The following ACLY variants were observed in gnomAD, a reference collection of about 807,000 sequenced individuals.
ACLY encodes ATP-citrate synthase.
A neutral mutation model predicts 133.0 loss-of-function variants in ACLY; 41 were observed. The ratio of observed to expected loss-of-function variants is 0.31; its 90% CI spans 0.24 to 0.40. The LOEUF (loss-of-function observed/expected upper bound fraction) is 0.40, where lower values mean the gene tolerates loss of function less well. Ranked by LOEUF, ACLY falls within the 10% of genes least tolerant of loss-of-function variation. The probability of loss-of-function intolerance (pLI) is 1.00; values close to 1 mark genes in which losing one functional copy is unlikely to be tolerated. For synonymous variants in ACLY, 495 were observed against 549.3 expected (o/e 0.90, Z 1.38); for missense variants, 1,046 against 1,453.8 (o/e 0.72, Z 4.56).
intron 11 of ACLY, among the ~76,000 whole-genome samples, chr17:41,899,603 C>T (rs782460711): frequency 6.6e-6 from 1 of 152,150 alleles, no homozygotes; most frequent in Non-Finnish European, 1.5e-5. Flanking sequence ...ATGCCACGCT[C>T]CCCTCCTCCT....
At chr17:41,871,178 C>T (rs1567881893) in intron 25 of ACLY, among the ~76,000 whole-genome samples, 1 of 152,114 alleles carries the variant, frequency 6.6e-6, no homozygotes, top group South Asian at 2.1e-4. Flanking sequence ...TGCAAGCGAA[C>T]GACAGAAAAA....
At chr17:41,916,672 G>A (rs117976925) in intron 1 of ACLY, among the ~76,000 whole-genome samples, 1,757 of 147,686 alleles carry the variant, frequency 0.012, 11 homozygotes, top group Middle Eastern at 0.031. Flanking sequence ...CACCACGCCC[G>A]GCCTTCAGTG....
chr17:41,880,741 C>T (rs1010988177), intron 20 of ACLY, among the ~76,000 whole-genome samples: 1 of 151,932 alleles, frequency 6.6e-6, no homozygotes, highest in Non-Finnish European at 1.5e-5. Flanking sequence ...TGGTGGGCGT[C>T]TGTAATCCCA....
intron 23 of ACLY, among the ~76,000 whole-genome samples, chr17:41,873,147 AAC>A (rs1212616386): frequency 2.0e-5 from 3 of 151,966 alleles, no homozygotes; most frequent in Admixed American, 6.5e-5. Flanking sequence ...TGATGGGAGA[AAC>A]AAATTTGCAA....
intron 22 of ACLY, among the ~76,000 whole-genome samples, chr17:41,875,479 C>G (rs1475839304): frequency 5.3e-5 from 8 of 151,998 alleles, no homozygotes; most frequent in African/African-American, 1.9e-4. Context: ...CCACGGTCTC[C>G]CTCTGATGCC....
At chr17:41,892,753 T>A (rs782523558) in intron 15 of ACLY, among the ~76,000 whole-genome samples, 1 of 152,006 alleles carries the variant, frequency 6.6e-6, no homozygotes, top group African/African-American at 2.4e-5. Context: ...TAGAGTTCAC[T>A]GCAGCCTCAA....
At chr17:41,919,134 G>C (rs1007309893), upstream of ACLY, 4 of 1,121,360 alleles carry the variant, frequency 3.6e-6, no homozygotes, top group Non-Finnish European at 4.5e-6. Context: ...CCCGGGGCCT[G>C]CTGGGACTTG....
rs1555632756 is a variant in ACLY at position 41,906,693 on chromosome 17, C to T, written c.748-47G>A. The T allele has an allele frequency of 2.6e-6, 4 of 1,541,746 alleles. No individual in the cohort carries two copies. The South Asian group carries it at 3.4e-5, about 13-fold the overall frequency. On this transcript the variant is annotated intron_variant, in intron 7 of 28. Coordinates refer to ENST00000352035, the MANE Select transcript of ACLY (RefSeq NM_001096.3). Reference sequence around the variant, plus strand: ...GTAGGCCCTTGGGGTACCCCCTTTACCAGGTCCCAGATCCTAGGACCCCTC... The same window carrying T: ...GTAGGCCCTTGGGGTACCCCCTTTATCAGGTCCCAGATCCTAGGACCCCTC...
At chr17:41,919,526 A>G (rs1555635167), upstream of ACLY, among the ~76,000 whole-genome samples, 1 of 152,234 alleles carries the variant, frequency 6.6e-6, no homozygotes, top group Non-Finnish European at 1.5e-5. Flanking sequence ...CCGATGAGGC[A>G]AGGCTGAGCC....
At position 41,901,751 on chromosome 17, in the gene ACLY, A is replaced by G; in HGVS notation, c.1128T>C (p.Phe376=). 1 of 1,608,934 alleles carries G rather than the reference A, an allele frequency of 6.2e-7. No individual in the cohort carries two copies. Among genetic ancestry groups the G allele is most frequent in the East Asian group, 2.3e-5 (1 of 44,224 alleles). ...GPLKEHEVTI[F]VRRGGPNYQE... is the part of the protein sequence containing the mutation. ...GATAGTTGGGGCCACCTCTTCGGACAAAGATTGTGACTTCGTGCTCCTTCA... is the reference window on the plus strand; with the variant it reads ...GATAGTTGGGGCCACCTCTTCGGACGAAGATTGTGACTTCGTGCTCCTTCA... Residue 376 remains phenylalanine, a synonymous_variant, in exon 11 of 29, where the codon TTT becomes TTC. Coordinates refer to ENST00000352035, the MANE Select transcript of ACLY (RefSeq NM_001096.3).
chr17:41,869,629 G>A, intron 25 of ACLY, 42 bp from the exon 26 acceptor site: 10 of 1,511,828 alleles, frequency 6.6e-6, no homozygotes, highest in Non-Finnish European at 7.4e-6. Flanking sequence ...CTCACACACT[G>A]CTGGGATGTG....
intron 1 of ACLY, among the ~76,000 whole-genome samples, chr17:41,930,207 C>G (rs2050301567): frequency 6.6e-6 from 1 of 152,232 alleles, no homozygotes; most frequent in African/African-American, 2.4e-5. Context: ...ATTTATTTGG[C>G]AGGTGGAACA....
chr17:41,894,860 G>A lies in ACLY; in HGVS notation c.1460-1686C>T, dbSNP rs542978281. 5.9e-5 allele frequency among the ~76,000 whole-genome samples: 9 copies of A among 152,226 alleles called. No homozygotes were observed. The South Asian group carries it at 1.9e-3, about 32-fold the overall frequency. On this transcript the variant is annotated intron_variant, in intron 14 of 28. Coordinates refer to ENST00000352035, the MANE Select transcript of ACLY (RefSeq NM_001096.3). ...GGAAGAATGATGCATCTAGCCCAGT[G>A]GCATCTCGTATTAATTAACCTACTG...
At chr17:41,914,019 G>C in intron 1 of ACLY, 123 bp from the exon 2 acceptor site, 1 of 962,314 alleles carries the variant, frequency 1.0e-6, no homozygotes, top group Non-Finnish European at 1.5e-6. Context: ...CTTTTCTCAA[G>C]AGGAAGGAAA....
intron 21 of ACLY, 43 bp downstream of exon 21, chr17:41,878,754 G>A (rs886119069): frequency 6.2e-7 from 1 of 1,611,342 alleles, no homozygotes; most frequent in Non-Finnish European, 8.5e-7. Context: ...GGAGGGATTT[G>A]GAAAGGAGGG....
chr17:41,892,531 A>G, intron 15 of ACLY, 84 bp from the exon 16 acceptor site: 1 of 1,292,312 alleles, frequency 7.7e-7, no homozygotes, highest in Non-Finnish European at 1.1e-6. Context: ...AATTTCACCT[A>G]GAAGATAGAA....
Position 41,882,986 on chromosome 17 carries a change from T to C in ACLY, c.2265+136A>G, listed in dbSNP as rs868937090. The C allele has an allele frequency of 3.3e-5, 23 of 707,438 alleles. No individual in the cohort carries two copies. The Middle Eastern group carries it at 2.5e-3, about 75-fold the overall frequency. The allele number at this position is 707,438 out of a possible 1,614,324, so 43.8% of individuals were successfully genotyped here. ...AGAGAGCAGGGCCCTGGCTGGACTT[T>C]GTAGTAACCAAGCAAGTAACAAACG... is the stretch of plus-strand genomic sequence containing the variant. On this transcript the variant is annotated intron_variant, in intron 20 of 28. Coordinates refer to ENST00000352035, the MANE Select transcript of ACLY (RefSeq NM_001096.3).
chr17:41,923,788 T>A (rs1288051042), upstream of ACLY, among the ~76,000 whole-genome samples: 3 of 152,102 alleles, frequency 2.0e-5, no homozygotes, highest in African/African-American at 7.2e-5. Context: ...TACCTAAGTG[T>A]CCAGTTCTAC....
rs969975787 is a variant in ACLY, at chr17:41,907,354, A to G, written c.747+88T>C. 8.3e-6 allele frequency: 11 copies of G among 1,320,984 alleles called. No individual in the cohort carries two copies. The African/African-American group carries it at 1.6e-4, about 20-fold the overall frequency. 81.8% of individuals were successfully genotyped at this position (1,320,984 alleles called of 1,614,324 possible). On this transcript the variant is annotated intron_variant, in intron 7 of 28. Transcript: ENST00000352035. The stretch of plus-strand genomic sequence containing the variant: ...CCTTTCCCTGCCAAATAAACAGCTC[A>G]TGAAGGGGGGCCAAATGCACATCAA...
Sources: allele counts gnomAD v4.1 joint callset (sites outside exome capture counted in the v4.1 genomes callset), GRCh38; gene constraint gnomAD v4.1.1; transcripts MANE v1.5; gene names NCBI Gene and HGNC (gene_info 2026-07-23, HGNC 2026-07-21).